Variants in TNS1 observed in about 807,000 individuals in gnomAD.
TNS1 encodes the protein tensin 1, also known as tensin-1.
TNS1 carries 62 observed loss-of-function variants against 168.6 expected under a neutral mutation model. The observed-to-expected ratio is 0.37, with a 90% CI of 0.30 to 0.45. The LOEUF (loss-of-function observed/expected upper bound fraction) is 0.45. TNS1 is among the 20% of genes least tolerant of loss of function. The probability of loss-of-function intolerance (pLI) is 1.00; values close to 1 mark genes in which losing one functional copy is unlikely to be tolerated. For missense variants in TNS1, 2,240 were observed against 2,339.4 expected (o/e 0.96, Z 0.88); for synonymous variants, 934 against 933.2 (o/e 1.00, Z -0.02).
At chr2:217,949,041 T>C (rs1575130273) in intron 3 of TNS1, among the ~76,000 whole-genome samples, 1 of 152,016 alleles carries the variant, frequency 6.6e-6, no homozygotes, top group Admixed American at 6.5e-5. Flanking sequence ...TGGCAGCCCC[T>C]CCCTCCTCTC....
In TNS1 at chr2:217,802,200, G is replaced by C. The variant is rs1217976941; in HGVS notation, c.*2259C>G. 1.3e-5 allele frequency: 2 copies of C among 152,206 alleles called. No homozygotes were observed. The highest frequency in any genetic ancestry group is 2.9e-5 in the Non-Finnish European group (2 of 68,050). The allele number at this position is 152,206 out of a possible 1,614,324, so 9.4% of individuals were successfully genotyped here. ...TGGGGTTTGCTAGGGAATGAGGAGA[G>C]GGGGAAACCCAGATATTTGGCTTGA... On this transcript the variant is annotated 3_prime_UTR_variant, in exon 33 of 33. Coordinates refer to ENST00000682258, the MANE Select transcript of TNS1 (RefSeq NM_001387777.1).
At chr2:217,919,838 G>T (rs1257709869) in intron 4 of TNS1, among the ~76,000 whole-genome samples, 1 of 152,236 alleles carries the variant, frequency 6.6e-6, no homozygotes, top group African/African-American at 2.4e-5. Context: ...CAGCCCCAGG[G>T]TGCCTGACCC....
intron 18 of TNS1, among the ~76,000 whole-genome samples, chr2:217,875,571 G>A (rs975097937): frequency 3.9e-5 from 6 of 152,232 alleles, no homozygotes; most frequent in Non-Finnish European, 5.9e-5. Context: ...ATCCATGCCT[G>A]TCTATCTCTC....
chr2:217,952,296 C>T (rs879758508), intron 3 of TNS1, among the ~76,000 whole-genome samples: 3 of 152,286 alleles, frequency 2.0e-5, no homozygotes, highest in Non-Finnish European at 2.9e-5. Flanking sequence ...AGAGCTCAGA[C>T]GCAAGAGGTG....
chr2:218,002,592 G>GT (rs1196152670), intron 1 of TNS1, among the ~76,000 whole-genome samples: 1 of 146,102 alleles, frequency 6.8e-6, no homozygotes, highest in African/African-American at 2.5e-5. Context: ...ATTGGGGGGT[G>GT]GGGGGGTGGG....
chr2:217,818,902 T>A (rs1942376886), intron 23 of TNS1, 143 bp from the exon 24 acceptor site: 6 of 673,684 alleles, frequency 8.9e-6, no homozygotes, highest in Non-Finnish European at 1.5e-5. Context: ...CAGGGTTTTA[T>A]ACGTTACCTT....
At chr2:217,928,326 G>A (rs1056787276) in intron 3 of TNS1, among the ~76,000 whole-genome samples, 1 of 152,230 alleles carries the variant, frequency 6.6e-6, no homozygotes, top group African/African-American at 2.4e-5. Context: ...GGTGGCCACT[G>A]CCCCGGCCCA....
chr2:217,941,947 G>A (rs1334229276), intron 3 of TNS1, among the ~76,000 whole-genome samples: 1 of 152,112 alleles, frequency 6.6e-6, no homozygotes, highest in African/African-American at 2.4e-5. Context: ...AAACTCCAAG[G>A]CTTCAGCCAC....
At chr2:217,891,687 A>C (rs1951758757) in intron 11 of TNS1, among the ~76,000 whole-genome samples, 1 of 152,138 alleles carries the variant, frequency 6.6e-6, no homozygotes, top group African/African-American at 2.4e-5. Flanking sequence ...GCAAACCCCA[A>C]AGTCCTCAGT....
chr2:217,873,508 G>A (rs925317320), intron 18 of TNS1, among the ~76,000 whole-genome samples: 2 of 152,204 alleles, frequency 1.3e-5, no homozygotes, highest in South Asian at 2.1e-4. Context: ...ACCTCAACCC[G>A]GGTCTTTGCG....
intron 18 of TNS1, among the ~76,000 whole-genome samples, chr2:217,857,927 TGCCA>T (rs766168954): frequency 2.0e-5 from 3 of 152,002 alleles, no homozygotes; most frequent in Non-Finnish European, 4.4e-5. Flanking sequence ...CAGGCCAGGG[TGCCA>T]GCCTGGGCAC....
At chr2:217,903,539 AG>A (rs1953274934) in intron 6 of TNS1, 1 of 1,517,972 alleles carries the variant, frequency 6.6e-7, no homozygotes, top group African/African-American at 1.4e-5. Context: ...CTCAAGACAC[AG>A]GTTGATTACA....
At chr2:217,888,656 C>T (rs917377916) in intron 12 of TNS1, among the ~76,000 whole-genome samples, 7 of 152,108 alleles carry the variant, frequency 4.6e-5, no homozygotes, top group African/African-American at 1.4e-4. Flanking sequence ...TCACAAGATC[C>T]GATGGTTTTG....
At chr2:217,935,359 G>A (rs772822356) in intron 3 of TNS1, among the ~76,000 whole-genome samples, 2 of 152,250 alleles carry the variant, frequency 1.3e-5, no homozygotes, top group Non-Finnish European at 2.9e-5. Flanking sequence ...GGCAGGAGAT[G>A]ATGGGAGGAA....
At chr2:217,933,702 C>G (rs1008191204) in intron 3 of TNS1, among the ~76,000 whole-genome samples, 5 of 152,218 alleles carry the variant, frequency 3.3e-5, no homozygotes, top group Non-Finnish European at 5.9e-5. Flanking sequence ...CCCACTGCAG[C>G]CTTGGCAAGC....
chr2:217,882,333 A>C lies in TNS1; in HGVS notation c.1312+13T>G. 6.3e-7 allele frequency: 1 copy of C among 1,581,350 alleles called. No individual in the cohort carries two copies. Among genetic ancestry groups the C allele is most frequent in the African/African-American group, 1.3e-5 (1 of 74,226 alleles). ...GGAAGGAGTGAGAGAATGAATTCTA[A>C]CTCGGCTTATACCTTGAATTTTCTC... is the stretch of plus-strand genomic sequence containing the variant. On this transcript the variant is annotated intron_variant, in intron 17 of 32. Transcript: ENST00000682258.
chr2:217,867,855 C>T (rs1949417254), intron 18 of TNS1, among the ~76,000 whole-genome samples: 1 of 152,226 alleles, frequency 6.6e-6, no homozygotes, highest in African/African-American at 2.4e-5. Flanking sequence ...CTGACCAACT[C>T]CCCTTTTTAA....
rs1471334060 is a variant in TNS1 at position 217,800,861 on chromosome 2, C to T, written c.*3598G>A. The stretch of plus-strand genomic sequence containing the variant: ...ATCACACTCACCACCCTTCTGTGCC[C>T]CCTGGACAGCATGCTCCCCTGGAGC... On this transcript the variant is annotated 3_prime_UTR_variant, in exon 33 of 33. Transcript: ENST00000682258. 7 of 152,330 alleles carry T rather than the reference C, an allele frequency of 4.6e-5. No homozygotes were observed. The highest frequency in any genetic ancestry group is 1.2e-4 in the African/African-American group (5 of 41,556). The allele number at this position is 152,330 out of a possible 1,614,324, so 9.4% of individuals were successfully genotyped here.
chr2:217,887,849 C>T (rs1271017877), intron 12 of TNS1, among the ~76,000 whole-genome samples: 2 of 152,206 alleles, frequency 1.3e-5, no homozygotes, highest in East Asian at 3.9e-4. Flanking sequence ...AGTCCTTCTG[C>T]GTCGATTGGT....
Sources: allele counts gnomAD v4.1 joint callset (sites outside exome capture counted in the v4.1 genomes callset), GRCh38; gene constraint gnomAD v4.1.1; transcripts MANE v1.5; gene names NCBI Gene and HGNC (gene_info 2026-07-23, HGNC 2026-07-21).